DGKI: variants seen among roughly 807,000 people sequenced by gnomAD.
The protein encoded by DGKI is diacylglycerol kinase iota, also known as DAG kinase iota.
Under a neutral mutation model 147.5 loss-of-function variants are expected in DGKI, and 55 were observed. The observed-to-expected ratio is 0.37, with a 90% CI of 0.30 to 0.47. The LOEUF is 0.47. Among genes scored for constraint, DGKI ranks in the 20% least tolerant of loss-of-function variants. DGKI has a pLI of 1.00. For missense variants in DGKI, 1,007 were observed against 1,323.8 expected, an observed-to-expected ratio of 0.76 and a Z score of 3.71; for synonymous variants, 469 against 477.1, an observed-to-expected ratio of 0.98 and a Z score of 0.22.
chr7:137,609,708 C>A, intron 8 of DGKI, 99 bp from the exon 9 acceptor site: 4 of 774,616 alleles, frequency 5.2e-6, no homozygotes, highest in South Asian at 1.6e-5. Flanking sequence ...CATGCTGTTC[C>A]ACTGCATGCT....
At chr7:137,569,586 G>A (rs182285244) in intron 19 of DGKI, among the ~76,000 whole-genome samples, 223 of 151,270 alleles carry the variant, frequency 1.5e-3, no homozygotes, top group African/African-American at 3.6e-3. Flanking sequence ...AAAATTAGCC[G>A]GGCGTGGTGG....
In DGKI at chr7:137,761,551, G is replaced by A. The variant is rs1050333898; in HGVS notation, c.402-71549C>T. On this transcript the variant is annotated intron_variant, in intron 1 of 32. Transcript: ENST00000614521. ...CCTGAATCCCTCAGCAGCACTCAGC[G>A]ATCTCTTCCTCTTGATACTCTTCAC... Among the ~76,000 whole-genome samples, 6 of 152,264 alleles carry A rather than the reference G, an allele frequency of 3.9e-5. No individual in the cohort carries two copies. The South Asian group carries it at 6.2e-4, about 16-fold the overall frequency.
intron 19 of DGKI, among the ~76,000 whole-genome samples, chr7:137,566,382 G>A (rs1818586398): frequency 6.6e-6 from 1 of 152,020 alleles, no homozygotes; most frequent in African/African-American, 2.4e-5. Context: ...AAAATACAAT[G>A]CTTTACTGCT....
intron 19 of DGKI, among the ~76,000 whole-genome samples, chr7:137,567,261 T>C (rs1459490290): frequency 4.9e-5 from 6 of 121,986 alleles, no homozygotes; most frequent in Non-Finnish European, 6.4e-5. Context: ...CAAAACTCCA[T>C]CTCAAAAAAA....
intron 3 of DGKI, among the ~76,000 whole-genome samples, chr7:137,672,986 TAGTC>T (rs1563143590): frequency 6.6e-6 from 1 of 152,034 alleles, no homozygotes; most frequent in Non-Finnish European, 1.5e-5. Flanking sequence ...TTCTCCATGT[TAGTC>T]AGGCTGGTCT....
chr7:137,524,765 G>C (rs778641674), intron 20 of DGKI, among the ~76,000 whole-genome samples: 1 of 152,156 alleles, frequency 6.6e-6, no homozygotes, highest in Admixed American at 6.6e-5. Context: ...GCAATTATTT[G>C]AGATCATAGT....
At chr7:137,430,840 A>AG (rs1378061641) in intron 28 of DGKI, among the ~76,000 whole-genome samples, 2 of 152,116 alleles carry the variant, frequency 1.3e-5, no homozygotes, top group Admixed American at 1.3e-4. Flanking sequence ...AGGGTCAGGG[A>AG]GGAGTGTGTC....
At chr7:137,706,334 A>G (rs867197691) in intron 1 of DGKI, among the ~76,000 whole-genome samples, 1 of 151,762 alleles carries the variant, frequency 6.6e-6, no homozygotes, top group South Asian at 2.1e-4. Context: ...ATAGCTACAC[A>G]GATGAAATAT....
At chr7:137,584,311 T>G (rs1374762175) in intron 14 of DGKI, among the ~76,000 whole-genome samples, 1 of 152,054 alleles carries the variant, frequency 6.6e-6, no homozygotes, top group Non-Finnish European at 1.5e-5. Context: ...AATTCAATCA[T>G]AGAAGGAAAA....
At chr7:137,788,665 T>C (rs111789471) in intron 1 of DGKI, among the ~76,000 whole-genome samples, 15,914 of 63,426 alleles carry the variant, frequency 0.25, 1,214 homozygotes, top group African/African-American at 0.49. Context: ...CACACACACA[T>C]ACACACACAC....
intron 1 of DGKI, among the ~76,000 whole-genome samples, chr7:137,782,310 G>A (rs1044597933): frequency 6.6e-6 from 1 of 152,100 alleles, no homozygotes; most frequent in African/African-American, 2.4e-5. Flanking sequence ...GATGGGTGAG[G>A]CCTGTGACTC....
In DGKI at chr7:137,400,599, C is replaced by T. The variant is rs75014081; in HGVS notation, c.2921-3186G>A. Among the ~76,000 whole-genome samples the T allele has an allele frequency of 3.4e-3, 521 of 152,238 alleles. 6 individuals carry two copies. The highest frequency in any genetic ancestry group is 0.011 in the African/African-American group (446 of 41,540). On this transcript the variant is annotated intron_variant, in intron 30 of 32. Transcript: ENST00000614521. The stretch of plus-strand genomic sequence containing the variant: ...ACCAGAGTCACTACCCAGAATTATT[C>T]CAGAGCTGATTATCCAGTCTGTGAG...
chr7:137,653,448 T>A (rs2129011340), intron 5 of DGKI, among the ~76,000 whole-genome samples: 1 of 152,340 alleles, frequency 6.6e-6, no homozygotes, highest in South Asian at 2.1e-4. Context: ...ACACTCAACT[T>A]GCAGCATGGC....
chr7:137,803,087 T>A (rs1183916416), intron 1 of DGKI, among the ~76,000 whole-genome samples: 1 of 152,136 alleles, frequency 6.6e-6, no homozygotes, highest in African/African-American at 2.4e-5. Flanking sequence ...GTCGCTTGCA[T>A]TAAGGAAAGA....
At chr7:137,795,983 AACT>A (rs1394427601) in intron 1 of DGKI, among the ~76,000 whole-genome samples, 2 of 152,122 alleles carry the variant, frequency 1.3e-5, no homozygotes, top group Non-Finnish European at 2.9e-5. Flanking sequence ...CAGCATCAAC[AACT>A]ACTACTACTA....
chr7:137,565,803 A>T (rs1818563625), intron 19 of DGKI, among the ~76,000 whole-genome samples: 1 of 152,190 alleles, frequency 6.6e-6, no homozygotes, highest in Non-Finnish European at 1.5e-5. Flanking sequence ...TGGTCTGTGT[A>T]AACTCCAAAA....
chr7:137,805,195 T>A (rs1797328488), intron 1 of DGKI, among the ~76,000 whole-genome samples: 1 of 152,204 alleles, frequency 6.6e-6, no homozygotes, highest in Non-Finnish European at 1.5e-5. Context: ...TAGGCACTAG[T>A]TTGTGCACAT....
chr7:137,638,576 G>GTATATATATGTGTGTA (rs1174592011), intron 6 of DGKI, among the ~76,000 whole-genome samples: 5 of 50,234 alleles, frequency 1.0e-4, no homozygotes, highest in Non-Finnish European at 1.6e-4. Context: ...ACACATATAT[G>GTATATATATGTGTGTA]TATATATACA....
chr7:137,646,985 A>T (rs1821847638), intron 5 of DGKI, among the ~76,000 whole-genome samples: 1 of 152,202 alleles, frequency 6.6e-6, no homozygotes, highest in Non-Finnish European at 1.5e-5. Context: ...TGGTCTTTTA[A>T]CTATAATCAG....
Sources: allele counts gnomAD v4.1 joint callset (sites outside exome capture counted in the v4.1 genomes callset), GRCh38; gene constraint gnomAD v4.1.1; transcripts MANE v1.5; gene names NCBI Gene and HGNC (gene_info 2026-07-23, HGNC 2026-07-21).